PPM1E: variants seen among roughly 807,000 people sequenced by gnomAD.
PPM1E encodes the protein protein phosphatase 1E.
Under a neutral mutation model 65.9 loss-of-function variants are expected in PPM1E, and 20 were observed. That is an observed-to-expected ratio of 0.30 (90% CI 0.21 to 0.44). The LOEUF is 0.44. Among genes scored for constraint, PPM1E ranks in the 20% least tolerant of loss-of-function variants. The pLI is 1.00. For missense variants in PPM1E, 713 were observed against 953.1 expected, an observed-to-expected ratio of 0.75 and a Z score of 3.32; for synonymous variants, 352 against 374.9, an observed-to-expected ratio of 0.94 and a Z score of 0.70.
At chr17:58,829,220 T>G (rs1308241311) in intron 1 of PPM1E, among the ~76,000 whole-genome samples, 5 of 151,996 alleles carry the variant, frequency 3.3e-5, no homozygotes, top group Non-Finnish European at 5.9e-5. Context: ...TTTTGTATAT[T>G]CAGTAGAGAC....
chr17:58,925,692 A>G (rs2051815615), intron 1 of PPM1E, among the ~76,000 whole-genome samples: 1 of 152,030 alleles, frequency 6.6e-6, no homozygotes, highest in African/African-American at 2.4e-5. Context: ...CGCCTGCCTC[A>G]GCCTCCCAAA....
intron 1 of PPM1E, among the ~76,000 whole-genome samples, chr17:58,815,525 T>A (rs1255080869): frequency 6.6e-6 from 1 of 151,870 alleles, no homozygotes; most frequent in Non-Finnish European, 1.5e-5. Context: ...CTAGAAAGAG[T>A]GGGGAGGATG....
chr17:58,891,838 T>C (rs867513835), intron 1 of PPM1E, among the ~76,000 whole-genome samples: 64 of 135,746 alleles, frequency 4.7e-4, no homozygotes, highest in Middle Eastern at 3.6e-3. Flanking sequence ...TTTTCTTTTT[T>C]TTTTTTTTTT....
intron 1 of PPM1E, among the ~76,000 whole-genome samples, chr17:58,884,868 C>T (rs903378093): frequency 2.0e-5 from 3 of 149,764 alleles, no homozygotes; most frequent in Non-Finnish European, 4.4e-5. Context: ...AATGAATATT[C>T]ATTATCAATA....
intron 6 of PPM1E, among the ~76,000 whole-genome samples, chr17:58,979,322 T>C (rs1309337117): frequency 6.6e-6 from 1 of 152,030 alleles, no homozygotes; most frequent in Non-Finnish European, 1.5e-5. Context: ...GAAAGCCAAG[T>C]GGGTTGGGAA....
chr17:58,787,813 A>G (rs996560430), intron 1 of PPM1E, among the ~76,000 whole-genome samples: 3 of 151,006 alleles, frequency 2.0e-5, no homozygotes, highest in African/African-American at 7.3e-5. Context: ...AGGCTGAGGC[A>G]GGAGAATGGT....
At chr17:58,968,891 G>A (rs1181745086) in intron 3 of PPM1E, among the ~76,000 whole-genome samples, 3 of 152,212 alleles carry the variant, frequency 2.0e-5, no homozygotes, top group African/African-American at 7.2e-5. Flanking sequence ...AAAGTGGTCA[G>A]CCGCACAGGG....
intron 1 of PPM1E, among the ~76,000 whole-genome samples, chr17:58,871,187 C>T (rs1021624616): frequency 6.6e-6 from 1 of 152,056 alleles, no homozygotes; most frequent in Non-Finnish European, 1.5e-5. Flanking sequence ...CAGGTGCACA[C>T]CACCACATCT....
At chr17:58,768,741 C>T (rs777650027) in intron 1 of PPM1E, among the ~76,000 whole-genome samples, 6 of 152,158 alleles carry the variant, frequency 3.9e-5, no homozygotes, top group Non-Finnish European at 8.8e-5. Flanking sequence ...ACGGTGTTGG[C>T]TCACCACAAC....
chr17:58,816,883 C>T (rs959990336), intron 1 of PPM1E, among the ~76,000 whole-genome samples: 7 of 149,250 alleles, frequency 4.7e-5, no homozygotes, highest in Non-Finnish European at 7.4e-5. Context: ...GCAACCTCCA[C>T]CTCCCAGGCC....
rs780992600 is a variant in PPM1E, at chr17:58,792,743, C to CT, written c.464+36311dup. Among the ~76,000 whole-genome samples, 655 of 76,332 alleles carry CT rather than the reference C, an allele frequency of 8.6e-3. 161 individuals carry two copies. The highest frequency in any genetic ancestry group is 0.026 in the African/African-American group (407 of 15,602). The allele number at this position is 76,332 out of a possible 152,430, so 50.1% of individuals were successfully genotyped here. On this transcript the variant is annotated intron_variant, in intron 1 of 6. Transcript: ENST00000308249. ...TATTTTATTTTATAAGAATTTTACT[C>CT]TTTTTTTTTTTTTTTTTTTTTTTTT...
At position 58,821,494 on chromosome 17, in the gene PPM1E, T is replaced by G. The variant is rs149557207; in HGVS notation, c.464+65033T>G. The stretch of plus-strand genomic sequence containing the variant: ...AGTTTTTTCATTTCAATATGAAGAT[T>G]CCTACATTCAAGCCCCTTTTCCAAT... On this transcript the variant is annotated intron_variant, in intron 1 of 6. Coordinates refer to ENST00000308249, the MANE Select transcript of PPM1E (RefSeq NM_014906.5). Among the ~76,000 whole-genome samples, 758 of 152,286 alleles carry G rather than the reference T, an allele frequency of 5.0e-3. 11 individuals are homozygous for G. Among genetic ancestry groups the G allele is most frequent in the African/African-American group, 0.017 (714 of 41,562 alleles).
chr17:58,825,456 T>C (rs1255199606), intron 1 of PPM1E, among the ~76,000 whole-genome samples: 2 of 151,396 alleles, frequency 1.3e-5, no homozygotes, highest in Admixed American at 1.3e-4. Flanking sequence ...TAAGCGTTTT[T>C]CAATTCAGAA....
chr17:58,945,111 GA>G (rs892401975), intron 1 of PPM1E, among the ~76,000 whole-genome samples: 1 of 149,994 alleles, frequency 6.7e-6, no homozygotes, highest in African/African-American at 2.4e-5. Flanking sequence ...AAAAGGGGAA[GA>G]AAAAAACCTG....
At chr17:58,956,393 G>A (rs760164250) in intron 2 of PPM1E, among the ~76,000 whole-genome samples, 4 of 150,878 alleles carry the variant, frequency 2.7e-5, no homozygotes, top group Non-Finnish European at 5.9e-5. Flanking sequence ...CCGAGATCAC[G>A]CCACTGCACT....
chr17:58,847,835 G>A (rs375329939), intron 1 of PPM1E, among the ~76,000 whole-genome samples: 28 of 152,082 alleles, frequency 1.8e-4, no homozygotes, highest in East Asian at 9.6e-4. Context: ...AATGGGGATG[G>A]CATTGAATCT....
chr17:58,919,309 A>T (rs2051722778), intron 1 of PPM1E, among the ~76,000 whole-genome samples: 1 of 152,160 alleles, frequency 6.6e-6, no homozygotes, highest in African/African-American at 2.4e-5. Flanking sequence ...GGGAAAATAT[A>T]CAGTCATTGA....
intron 1 of PPM1E, among the ~76,000 whole-genome samples, chr17:58,904,958 A>G (rs1207718846): frequency 6.6e-6 from 1 of 151,870 alleles, no homozygotes; most frequent in Non-Finnish European, 1.5e-5. Context: ...CAGAAGGCGG[A>G]GGTTTTGGTG....
chr17:58,848,771 GA>G (rs1394993789), intron 1 of PPM1E, among the ~76,000 whole-genome samples: 1 of 152,184 alleles, frequency 6.6e-6, no homozygotes, highest in Admixed American at 6.5e-5. Context: ...TTGCTATCAG[GA>G]CGATGTTGGC....
Sources: allele counts gnomAD v4.1 joint callset (sites outside exome capture counted in the v4.1 genomes callset), GRCh38; gene constraint gnomAD v4.1.1; transcripts MANE v1.5; gene names NCBI Gene and HGNC (gene_info 2026-07-23, HGNC 2026-07-21).